Variants in HCN1 observed in about 807,000 individuals in gnomAD.
HCN1 encodes the protein potassium/sodium hyperpolarization-activated cyclic nucleotide-gated channel 1.
In HCN1, 13 loss-of-function variants were observed where a neutral mutation model predicts 78.9. The ratio of observed to expected loss-of-function variants is 0.16; its 90% CI spans 0.11 to 0.26. The LOEUF (loss-of-function observed/expected upper bound fraction) is 0.26, where lower values mean the gene tolerates loss of function less well. Among genes scored for constraint, HCN1 ranks in the 10% least tolerant of loss-of-function variants. HCN1 has a pLI of 1.00. For missense variants in HCN1, 810 were observed against 1,154.3 expected, an observed-to-expected ratio of 0.70 and a Z score of 4.32; for synonymous variants, 552 against 455.5, an observed-to-expected ratio of 1.21 and a Z score of -2.70.
At chr5:45,537,523 C>CT (rs71000638) in intron 2 of HCN1, among the ~76,000 whole-genome samples, 2,139 of 25,728 alleles carry the variant, frequency 0.083, 968 homozygotes, top group East Asian at 0.16. Flanking sequence ...AACTCTAAGT[C>CT]TTTTTTTTTT....
chr5:45,282,747 C>T lies in HCN1; in HGVS notation c.1619-15494G>A, dbSNP rs1007259822. Among the ~76,000 whole-genome samples the T allele has an allele frequency of 2.0e-5, 3 of 152,326 alleles. No individual in the cohort carries two copies. In the East Asian group the frequency reaches 5.8e-4, roughly 29 times the overall value. ...GTTATGGGAAATATACCCCGTAGGA[C>T]TAACTAGTAATTCTTTCAATCAGCT... On this transcript the variant is annotated intron_variant, in intron 6 of 7. Coordinates refer to ENST00000303230, the MANE Select transcript of HCN1 (RefSeq NM_021072.4).
At position 45,480,139 on chromosome 5, in the gene HCN1, TAC is replaced by T. The variant is rs1561170439; in HGVS notation, c.850-18134_850-18133del. 4 of 152,626 alleles carry T rather than the reference TAC, an allele frequency of 2.6e-5. 1 individual carries two copies. Among genetic ancestry groups the T allele is most frequent in the African/African-American group, 9.6e-5 (4 of 41,472 alleles). The allele number at this position is 152,626 out of a possible 1,614,324, so 9.5% of individuals were successfully genotyped here. ...CTCAAATATACCTACCCATGGTTTA[TAC>T]ATTTCCACATTTTTTTTAGTGAAAG... On this transcript the variant is annotated intron_variant, in intron 2 of 7. Coordinates refer to ENST00000303230, the MANE Select transcript of HCN1 (RefSeq NM_021072.4).
intron 1 of HCN1, among the ~76,000 whole-genome samples, chr5:45,678,158 G>T (rs1739626279): frequency 6.6e-6 from 1 of 151,786 alleles, no homozygotes; most frequent in Non-Finnish European, 1.5e-5. Context: ...ATAAGTGATG[G>T]CTACTTATGA....
At chr5:45,319,632 G>C (rs558192174) in intron 5 of HCN1, among the ~76,000 whole-genome samples, 1 of 151,128 alleles carries the variant, frequency 6.6e-6, no homozygotes, top group South Asian at 2.1e-4. Context: ...GCCATCTGTG[G>C]CTTGCCTTTT....
At chr5:45,362,677 T>C (rs936834750) in intron 4 of HCN1, among the ~76,000 whole-genome samples, 4 of 152,142 alleles carry the variant, frequency 2.6e-5, no homozygotes, top group Non-Finnish European at 5.9e-5. Flanking sequence ...GCTATCATGA[T>C]CTTCATTTTA....
At chr5:45,329,786 C>T (rs1746308922) in intron 5 of HCN1, among the ~76,000 whole-genome samples, 1 of 151,278 alleles carries the variant, frequency 6.6e-6, no homozygotes, top group Non-Finnish European at 1.5e-5. Context: ...ACCTGTCATC[C>T]AGCAAGAATT....
intron 1 of HCN1, among the ~76,000 whole-genome samples, chr5:45,655,874 C>T (rs1404531600): frequency 1.3e-5 from 2 of 152,080 alleles, no homozygotes; most frequent in Admixed American, 6.6e-5. Flanking sequence ...AGTTCAGATG[C>T]TCTAAATGCA....
chr5:45,684,891 G>A (rs1184470052), intron 1 of HCN1, among the ~76,000 whole-genome samples: 1 of 151,994 alleles, frequency 6.6e-6, no homozygotes, highest in Non-Finnish European at 1.5e-5. Context: ...AACTAATCAA[G>A]TAACTTTCTA....
intron 4 of HCN1, among the ~76,000 whole-genome samples, chr5:45,369,982 C>A (rs1156524679): frequency 6.6e-6 from 1 of 151,428 alleles, no homozygotes; most frequent in Non-Finnish European, 1.5e-5. Flanking sequence ...TGCTATAAGA[C>A]CTGATGTATG....
intron 2 of HCN1, among the ~76,000 whole-genome samples, chr5:45,472,764 G>A (rs1033303374): frequency 1.3e-5 from 2 of 151,910 alleles, no homozygotes; most frequent in African/African-American, 2.4e-5. Context: ...CTTATCACAT[G>A]TCTGTAATAA....
At chr5:45,562,746 C>T (rs1743630650) in intron 2 of HCN1, among the ~76,000 whole-genome samples, 1 of 152,120 alleles carries the variant, frequency 6.6e-6, no homozygotes, top group South Asian at 2.1e-4. Flanking sequence ...TTTCTTTCTA[C>T]ACGTCACTCA....
At chr5:45,635,918 T>G (rs1449551490) in intron 2 of HCN1, among the ~76,000 whole-genome samples, 1 of 152,200 alleles carries the variant, frequency 6.6e-6, no homozygotes, top group Non-Finnish European at 1.5e-5. Context: ...AAAGCAGGCA[T>G]AATCTTGTTT....
intron 2 of HCN1, among the ~76,000 whole-genome samples, chr5:45,600,153 A>C (rs994333623): frequency 6.6e-6 from 1 of 151,870 alleles, no homozygotes; most frequent in Admixed American, 6.6e-5. Flanking sequence ...TCCCAATTTT[A>C]GGCTTGCTTC....
At chr5:45,460,902 T>C (rs1208579077) in intron 3 of HCN1, among the ~76,000 whole-genome samples, 2 of 150,766 alleles carry the variant, frequency 1.3e-5, no homozygotes, top group African/African-American at 4.9e-5. Context: ...AAATCAATAG[T>C]AGAACAGTTT....
chr5:45,426,921 T>A (rs1740362775), intron 3 of HCN1, among the ~76,000 whole-genome samples: 1 of 152,184 alleles, frequency 6.6e-6, no homozygotes, highest in Non-Finnish European at 1.5e-5. Context: ...GCAGTTTCTA[T>A]GTCACATGAA....
In HCN1 at chr5:45,257,282, G is replaced by A. The variant is rs944072543; in HGVS notation, c.*4639C>T. ...AATCCCTATTTCCCACTTGATCTGGGTTCCTCTTCACCCTGTGAGACACTC... is the reference window on the plus strand; with the variant it reads ...AATCCCTATTTCCCACTTGATCTGGATTCCTCTTCACCCTGTGAGACACTC... On this transcript the variant is annotated 3_prime_UTR_variant, in exon 8 of 8. Coordinates refer to ENST00000303230, the MANE Select transcript of HCN1 (RefSeq NM_021072.4). 1 of 152,128 alleles carries A rather than the reference G, an allele frequency of 6.6e-6. No individual in the cohort carries two copies. Among genetic ancestry groups the A allele is most frequent in the Non-Finnish European group, 1.5e-5 (1 of 68,034 alleles). 9.4% of individuals were successfully genotyped at this position (152,128 alleles called of 1,614,324 possible).
chr5:45,523,331 G>A (rs1183925317), intron 2 of HCN1, among the ~76,000 whole-genome samples: 1 of 152,040 alleles, frequency 6.6e-6, no homozygotes, highest in African/African-American at 2.4e-5. Context: ...GTGTGCATGT[G>A]TCTTTATAGC....
chr5:45,531,810 T>C (rs1189915215), intron 2 of HCN1, among the ~76,000 whole-genome samples: 1 of 152,038 alleles, frequency 6.6e-6, no homozygotes, highest in African/African-American at 2.4e-5. Context: ...GAGGCCAAGG[T>C]GGGCGGATTG....
chr5:45,685,387 T>C (rs1739783231), intron 1 of HCN1, among the ~76,000 whole-genome samples: 1 of 152,146 alleles, frequency 6.6e-6, no homozygotes, highest in Non-Finnish European at 1.5e-5. Context: ...CTAAAGAGAT[T>C]AAACTGGAAA....
Sources: allele counts gnomAD v4.1 joint callset (sites outside exome capture counted in the v4.1 genomes callset), GRCh38; gene constraint gnomAD v4.1.1; transcripts MANE v1.5; gene names NCBI Gene and HGNC (gene_info 2026-07-23, HGNC 2026-07-21).